The following WARS2 variants were observed in gnomAD, a reference collection of about 807,000 sequenced individuals.
WARS2 encodes the protein tryptophan--tRNA ligase, mitochondrial.
Under a neutral mutation model 36.5 loss-of-function variants are expected in WARS2, and 28 were observed. The ratio of observed to expected loss-of-function variants is 0.77; its 90% CI spans 0.57 to 1.05. The LOEUF (loss-of-function observed/expected upper bound fraction) is 1.05. Among genes scored for constraint, WARS2 ranks in the 50% least tolerant of loss-of-function variants. The pLI is 0.00. For missense variants in WARS2, 435 were observed against 456.8 expected, an observed-to-expected ratio of 0.95 and a Z score of 0.44; for synonymous variants, 174 against 178.4, an observed-to-expected ratio of 0.98 and a Z score of 0.20.
At chr1:119,046,774 CT>C (rs71743174) in intron 2 of WARS2, among the ~76,000 whole-genome samples, 43,493 of 141,080 alleles carry the variant, frequency 0.31, 7,075 homozygotes, top group African/African-American at 0.46. Context: ...TCAACTGTGG[CT>C]TTTTTTTTTT....
chr1:119,043,409 G>T (rs770349024), intron 3 of WARS2, among the ~76,000 whole-genome samples: 1 of 152,156 alleles, frequency 6.6e-6, no homozygotes, highest in Admixed American at 6.6e-5. Flanking sequence ...CTACCAAGGT[G>T]CAGACATATT....
intron 1 of WARS2, among the ~76,000 whole-genome samples, chr1:119,117,175 G>A (rs891702827): frequency 6.6e-6 from 1 of 152,084 alleles, no homozygotes; most frequent in Non-Finnish European, 1.5e-5. Flanking sequence ...CTTGTCTGGT[G>A]ACTTGTATGA....
intron 2 of WARS2, among the ~76,000 whole-genome samples, chr1:119,061,236 G>A (rs562137652): frequency 4.5e-4 from 69 of 152,182 alleles, no homozygotes; most frequent in African/African-American, 1.6e-3. Context: ...GACCAAACCC[G>A]AGATGTTCCA....
intron 1 of WARS2, among the ~76,000 whole-genome samples, chr1:119,092,454 C>A (rs1442202527): frequency 6.6e-6 from 1 of 152,220 alleles, no homozygotes; most frequent in Non-Finnish European, 1.5e-5. Flanking sequence ...ACCTGTCTTA[C>A]TTCCCACGAG....
At chr1:119,116,908 T>C (rs1655009154) in intron 1 of WARS2, among the ~76,000 whole-genome samples, 1 of 150,700 alleles carries the variant, frequency 6.6e-6, no homozygotes, top group Non-Finnish European at 1.5e-5. Flanking sequence ...GGCAGAGGAG[T>C]AGAGAGGAAT....
intron 2 of WARS2, among the ~76,000 whole-genome samples, chr1:119,062,501 T>G (rs1650468499): frequency 6.6e-6 from 1 of 152,248 alleles, no homozygotes; most frequent in African/African-American, 2.4e-5. Flanking sequence ...ATTCATTTTT[T>G]AATCCCATAT....
chr1:119,109,488 G>A (rs767454413), intron 1 of WARS2, among the ~76,000 whole-genome samples: 2 of 151,806 alleles, frequency 1.3e-5, no homozygotes, highest in Non-Finnish European at 2.9e-5. Context: ...AGTCTGTTCC[G>A]TCTGAAATTA....
At chr1:119,111,405 G>A (rs1654627107) in intron 1 of WARS2, among the ~76,000 whole-genome samples, 1 of 152,260 alleles carries the variant, frequency 6.6e-6, no homozygotes, top group East Asian at 1.9e-4. Context: ...CCTCTTAGGT[G>A]AGACAGGATG....
In WARS2 at chr1:119,085,275, T is replaced by G; in HGVS notation, c.91-8668A>C. 4.1e-6 allele frequency: 4 copies of G among 974,004 alleles called. No homozygotes were observed. In the Middle Eastern group the frequency reaches 8.8e-4, roughly 215 times the overall value. 60.3% of individuals were successfully genotyped at this position (974,004 alleles called of 1,614,324 possible). A position where few individuals can be genotyped will look rare whatever the true frequency, so the allele number is the denominator to read the frequency against. On this transcript the variant is annotated intron_variant, in intron 1 of 5. Transcript: ENST00000235521. ...CTCTCGGTTCTCTGCCCAACCAGAG[T>G]AGGCAGTCCTGGCCTTGGGGAGCTT...
intron 2 of WARS2, among the ~76,000 whole-genome samples, chr1:119,058,392 G>A (rs1243442129): frequency 9.4e-6 from 1 of 106,846 alleles, no homozygotes; most frequent in Admixed American, 8.1e-5. Context: ...GTGCCATGCT[G>A]GTGCGCTGCA....
chr1:119,136,572 C>T (rs587683364), intron 1 of WARS2, among the ~76,000 whole-genome samples: 5 of 152,270 alleles, frequency 3.3e-5, no homozygotes, highest in African/African-American at 9.6e-5. Context: ...AATCAACTAG[C>T]AAAATTCCCA....
chr1:119,107,391 C>G (rs1297965432), intron 1 of WARS2, among the ~76,000 whole-genome samples: 1 of 152,044 alleles, frequency 6.6e-6, no homozygotes, highest in Admixed American at 6.6e-5. Context: ...TATGCTGTCT[C>G]CTACGTGGTT....
At chr1:119,051,536 T>C (rs1250897677) in intron 2 of WARS2, among the ~76,000 whole-genome samples, 1 of 152,122 alleles carries the variant, frequency 6.6e-6, no homozygotes, top group Non-Finnish European at 1.5e-5. Flanking sequence ...ACGATTTACA[T>C]TCCTTTGGGT....
intron 1 of WARS2, among the ~76,000 whole-genome samples, chr1:119,090,070 A>G (rs190661517): frequency 1.1e-4 from 17 of 152,204 alleles, no homozygotes; most frequent in Non-Finnish European, 2.2e-4. Flanking sequence ...ACCATGGCAC[A>G]CATTTATCTA....
chr1:119,135,347 C>A (rs1202020435), intron 1 of WARS2, among the ~76,000 whole-genome samples: 2 of 152,118 alleles, frequency 1.3e-5, no homozygotes, highest in Non-Finnish European at 2.9e-5. Flanking sequence ...ACAAGCAGGG[C>A]TAAAAATACT....
At chr1:119,040,979 T>A (rs1648308096) in intron 4 of WARS2, among the ~76,000 whole-genome samples, 1 of 152,168 alleles carries the variant, frequency 6.6e-6, no homozygotes, top group South Asian at 2.1e-4. Context: ...AGCATACAAG[T>A]TAATACAACA....
chr1:119,043,233 T>C (rs926337993), intron 3 of WARS2, among the ~76,000 whole-genome samples: 2 of 150,938 alleles, frequency 1.3e-5, no homozygotes, highest in Admixed American at 6.6e-5. Flanking sequence ...ATAGCATCTC[T>C]TGTAAAATAA....
At chr1:119,059,166 T>C (rs1650151883) in intron 2 of WARS2, among the ~76,000 whole-genome samples, 2 of 152,134 alleles carry the variant, frequency 1.3e-5, no homozygotes, top group Admixed American at 6.5e-5. Context: ...GTTTTTTTCT[T>C]GTAAATTTGT....
intron 1 of WARS2, among the ~76,000 whole-genome samples, chr1:119,130,640 T>C (rs981495278): frequency 7.9e-5 from 12 of 152,110 alleles, no homozygotes; most frequent in Admixed American, 2.0e-4. Context: ...CACACAAAAA[T>C]GTATGGTTTA....
Sources: gnomAD v4.1 joint callset for allele counts (sites outside exome capture counted in the v4.1 genomes callset) on GRCh38, gnomAD v4.1.1 for gene constraint, MANE v1.5 for transcripts, NCBI Gene and HGNC (gene_info 2026-07-23, HGNC 2026-07-21) for gene names.